The following PTPN6 variants were observed in gnomAD, a reference collection of about 807,000 sequenced individuals.
PTPN6 encodes the protein tyrosine-protein phosphatase non-receptor type 6.
In PTPN6, 18 loss-of-function variants were observed where a neutral mutation model predicts 81.5. The ratio of observed to expected loss-of-function variants is 0.22; its 90% CI spans 0.15 to 0.33. The LOEUF is 0.33. Ranked by LOEUF, PTPN6 falls within the 10% of genes least tolerant of loss-of-function variation. The probability of loss-of-function intolerance (pLI) is 1.00; values close to 1 mark genes in which losing one functional copy is unlikely to be tolerated. For missense variants in PTPN6, 500 were observed against 794.2 expected (o/e 0.63, Z 4.45); for synonymous variants, 301 against 310.9 (o/e 0.97, Z 0.33).
At chr12:6,948,670 G>A (rs1284499547), upstream of PTPN6, among the ~76,000 whole-genome samples, 1 of 152,020 alleles carries the variant, frequency 6.6e-6, no homozygotes, top group Non-Finnish European at 1.5e-5. Context: ...GCTGGGCATG[G>A]TGGCTCAAGC....
Position 6,956,417 on chromosome 12 carries a change from A to C in PTPN6, c.925-2A>C. On this transcript the variant is annotated splice_acceptor_variant, in intron 8 of 15. Coordinates refer to ENST00000318974, the MANE Select transcript of PTPN6 (RefSeq NM_002831.6). LOFTEE classifies it high-confidence loss of function. This position sits in a 1 kb window ranked among gnomAD's most constrained non-coding sequence, Gnocchi z 4.1. ...GGTGCGTCTCTCCACGCTTGCGTCC[A>C]GAACCAGCTGCTAGGCCCTGATGAG... The C allele has an allele frequency of 6.2e-7, 1 of 1,614,168 alleles. No homozygotes were observed. Among genetic ancestry groups the C allele is most frequent in the Non-Finnish European group, 8.5e-7 (1 of 1,180,020 alleles).
In PTPN6 at chr12:6,955,000, G is replaced by A. The variant is rs1170116869; in HGVS notation, c.516+6G>A. 2.5e-6 allele frequency: 4 copies of A among 1,614,076 alleles called. No individual in the cohort carries two copies. The East Asian group carries it at 8.9e-5, about 36-fold the overall frequency. ...ACATCAAGGTCATGTGCGAGGTAAG[G>A]CAGCCAGGCGGCGGGGGAGCCTCTG... On this transcript the variant is annotated splice_donor_region_variant and intron_variant, in intron 4 of 15. Transcript: ENST00000318974. The surrounding 1 kb of genome is among the most constrained non-coding windows in gnomAD (Gnocchi z 5.4).
At chr12:6,953,483 G>C (rs1345543569) in intron 3 of PTPN6, 4 of 152,360 alleles carry the variant, frequency 2.6e-5, no homozygotes, top group Non-Finnish European at 4.4e-5. Flanking sequence ...GTGCCGGGGC[G>C]GGAGGTTAAG....
Position 6,960,044 on chromosome 12 carries a change from G to A in PTPN6, c.1430-44G>A. ...GGTGGGGGGTGAGCAGCCCCTCGGT[G>A]TCCGCCTATGCCTGGACCTGAGGTT... On this transcript the variant is annotated intron_variant, in intron 12 of 15. Transcript: ENST00000318974. This position sits in a 1 kb window ranked among gnomAD's most constrained non-coding sequence, Gnocchi z 6.1. 6.2e-7 allele frequency: 1 copy of A among 1,612,876 alleles called. No homozygotes were observed. The highest frequency in any genetic ancestry group is 8.5e-7 in the Non-Finnish European group (1 of 1,179,892).
Position 6,955,582 on chromosome 12 carries a change from C to A in PTPN6, c.748-78C>A. 6.4e-7 allele frequency: 1 copy of A among 1,565,742 alleles called. No individual in the cohort carries two copies. The highest frequency in any genetic ancestry group is 8.8e-7 in the Non-Finnish European group (1 of 1,136,846). ...CTTCCCCTCCTTGCCCACCTCTGCT[C>A]CTGACCCACCCCACGTGAGCTCCCC... is the stretch of plus-strand genomic sequence containing the variant. On this transcript the variant is annotated intron_variant, in intron 6 of 15. Transcript: ENST00000318974. This position sits in a 1 kb window ranked among gnomAD's most constrained non-coding sequence, Gnocchi z 7.2.
At chr12:6,946,617 AC>A, upstream of PTPN6, 1 of 869,748 alleles carries the variant, frequency 1.1e-6, no homozygotes, top group South Asian at 1.4e-5. Flanking sequence ...GTGGCTGATT[AC>A]TGAGCGGTTC....
rs1946007036 is a variant in PTPN6, at chr12:6,955,297, T to A, written c.633+30T>A. On this transcript the variant is annotated intron_variant, in intron 5 of 15. Coordinates refer to ENST00000318974, the MANE Select transcript of PTPN6 (RefSeq NM_002831.6). This position sits in a 1 kb window ranked among gnomAD's most constrained non-coding sequence, Gnocchi z 7.2. ...GGGGTGGGCCCAGCTGCCTCCCCAC[T>A]TCCCCTGAGCTGTCCCCCAGATGTG... 2 of 1,609,304 alleles carry A rather than the reference T, an allele frequency of 1.2e-6. No individual in the cohort carries two copies. Among genetic ancestry groups the A allele is most frequent in the South Asian group, 1.1e-5 (1 of 90,976 alleles).
chr12:6,946,877 A>G, upstream of PTPN6: 3 of 962,460 alleles, frequency 3.1e-6, no homozygotes, highest in Admixed American at 2.0e-5. Context: ...GTCCCTATGA[A>G]CTTCCCCTTC....
chr12:6,960,539 C>A lies in PTPN6; in HGVS notation c.1673+104C>A. ...AAGTGTTGCAGCTGGGGGGACCTGG[C>A]TTCAAGTTCAGGCTTGGTTCTCACC... On this transcript the variant is annotated intron_variant, in intron 14 of 15. Transcript: ENST00000318974. This position sits in a 1 kb window ranked among gnomAD's most constrained non-coding sequence, Gnocchi z 6.1. 6 of 1,449,130 alleles carry A rather than the reference C, an allele frequency of 4.1e-6. No individual in the cohort carries two copies. Among genetic ancestry groups the A allele is most frequent in the Admixed American group, 1.9e-5 (1 of 51,380 alleles). 89.8% of individuals were successfully genotyped at this position (1,449,130 alleles called of 1,614,324 possible).
chr12:6,949,477 C>T (rs782755972), upstream of PTPN6, among the ~76,000 whole-genome samples: 3 of 152,304 alleles, frequency 2.0e-5, no homozygotes, highest in South Asian at 2.1e-4. Context: ...GTCTGACAGC[C>T]GTGTTTTACC....
chr12:6,951,404 C>A lies in PTPN6; in HGVS notation c.-109C>A. On this transcript the variant is annotated 5_prime_UTR_variant, in exon 1 of 16. Coordinates refer to ENST00000318974, the MANE Select transcript of PTPN6 (RefSeq NM_002831.6). This position sits in a 1 kb window ranked among gnomAD's most constrained non-coding sequence, Gnocchi z 7.2. ...GGGACCACCGGGGGTGGTGAGGCGG[C>A]CCGGCACTGGGAGCTGCATCTGAGG... 3 of 1,551,260 alleles carry A rather than the reference C, an allele frequency of 1.9e-6. No homozygotes were observed. The highest frequency in any genetic ancestry group is 2.6e-6 in the Non-Finnish European group (3 of 1,148,414).
rs1946085080 is a variant in PTPN6, at chr12:6,959,215, A to G, written c.1362-712A>G. The G allele has an allele frequency of 6.5e-6, 1 of 153,700 alleles. No homozygotes were observed. The highest frequency in any genetic ancestry group is 1.4e-5 in the Non-Finnish European group (1 of 68,972). 9.5% of individuals were successfully genotyped at this position (153,700 alleles called of 1,614,324 possible). On this transcript the variant is annotated intron_variant, in intron 11 of 15. Coordinates refer to ENST00000318974, the MANE Select transcript of PTPN6 (RefSeq NM_002831.6). This position sits in a 1 kb window ranked among gnomAD's most constrained non-coding sequence, Gnocchi z 6.6. ...AGCTACCCTCCTGCTCACCCGCCAC[A>G]CACACATTCACACACTTCTTGAAAG...
In PTPN6 at chr12:6,956,363, G is replaced by T. The variant is rs1340815792; in HGVS notation, c.925-56G>T. On this transcript the variant is annotated intron_variant, in intron 8 of 15. Transcript: ENST00000318974. This position sits in a 1 kb window ranked among gnomAD's most constrained non-coding sequence, Gnocchi z 4.1. ...TGAGGGTGGCAGTGGTTCAGGGCCT[G>T]TGCTGGGCCAAGGGGCTCACTGTCT... is the stretch of plus-strand genomic sequence containing the variant. 6.2e-7 allele frequency: 1 copy of T among 1,613,864 alleles called. No individual in the cohort carries two copies. The highest frequency in any genetic ancestry group is 1.3e-5 in the African/African-American group (1 of 75,058).
rs200005925 is a variant in PTPN6 at position 6,958,034 on chromosome 12, A to G, written c.1322A>G (p.Glu441Gly). The G allele has an allele frequency of 3.3e-5, 54 of 1,613,126 alleles. No individual in the cohort carries two copies. The highest frequency in any genetic ancestry group is 1.6e-4 in the Middle Eastern group (1 of 6,084). ...SFLDQINQRQESLPHAGPIIV... is the reference protein window; with the variant it reads ...SFLDQINQRQGSLPHAGPIIV... ...CTGGACCAGATCAACCAGCGGCAGG[A>G]AAGTCTGCCTCACGCAGGGCCCATC... Residue 441 changes from glutamate (E) to glycine (G), a missense_variant, in exon 11 of 16, where the codon GAA becomes GGA. Glu to Gly is a moderately conservative substitution (Grantham distance 98, BLOSUM62 -2). This residue lies in a region of PTPN6 where 226 missense variants were observed against 364.4 expected (regional missense o/e 0.62). Transcript: ENST00000318974.
At position 6,954,685 on chromosome 12, in the gene PTPN6, T is replaced by G. The variant is rs1440384076; in HGVS notation, c.327-120T>G. The G allele has an allele frequency of 4.1e-6, 4 of 965,252 alleles. No individual in the cohort carries two copies. The highest frequency in any genetic ancestry group is 2.8e-5 in the South Asian group (2 of 70,348). The allele number at this position is 965,252 out of a possible 1,614,324, so 59.8% of individuals were successfully genotyped here. On this transcript the variant is annotated intron_variant, in intron 3 of 15. Transcript: ENST00000318974. This position sits in a 1 kb window ranked among gnomAD's most constrained non-coding sequence, Gnocchi z 5.4. The stretch of plus-strand genomic sequence containing the variant: ...AAATGAGGTGGTGGATTTGGAAGCA[T>G]GTAGCGCAGTGCCTGGCACACAGTA...
chr12:6,955,575 C>G lies in PTPN6; in HGVS notation c.748-85C>G. 1 of 1,562,610 alleles carries G rather than the reference C, an allele frequency of 6.4e-7. No individual in the cohort carries two copies. Among genetic ancestry groups the G allele is most frequent in the Non-Finnish European group, 8.8e-7 (1 of 1,134,038 alleles). ...CGGACACCTTCCCCTCCTTGCCCAC[C>G]TCTGCTCCTGACCCACCCCACGTGA... On this transcript the variant is annotated intron_variant, in intron 6 of 15. Transcript: ENST00000318974. The surrounding 1 kb of genome is among the most constrained non-coding windows in gnomAD (Gnocchi z 7.2).
At chr12:6,953,362 G>T (rs782539222) in intron 3 of PTPN6, 4 of 152,248 alleles carry the variant, frequency 2.6e-5, no homozygotes, top group African/African-American at 9.6e-5. Context: ...AGGACGGGCT[G>T]ACCAGTGCCT....
chr12:6,960,975 TG>T lies in PTPN6; in HGVS notation c.*25+31del. The T allele has an allele frequency of 3.9e-6, 6 of 1,551,302 alleles. No homozygotes were observed. In the South Asian group the frequency reaches 7.2e-5, roughly 18 times the overall value. Reference sequence around the variant, plus strand: ...AGCTCTTCTGCCTGGGTGTCCTCCCTGCCCTGCCCTGTGTCCTTGGCTCCAC... The same window carrying T: ...AGCTCTTCTGCCTGGGTGTCCTCCCTCCCTGCCCTGTGTCCTTGGCTCCAC... On this transcript the variant is annotated intron_variant, in intron 15 of 15. Coordinates refer to ENST00000318974, the MANE Select transcript of PTPN6 (RefSeq NM_002831.6). The surrounding 1 kb of genome is among the most constrained non-coding windows in gnomAD (Gnocchi z 6.1).
In PTPN6 at chr12:6,955,597, G is replaced by A. The variant is rs782100604; in HGVS notation, c.748-63G>A. On this transcript the variant is annotated intron_variant, in intron 6 of 15. Transcript: ENST00000318974. The surrounding 1 kb of genome is among the most constrained non-coding windows in gnomAD (Gnocchi z 7.2). ...CACCTCTGCTCCTGACCCACCCCACGTGAGCTCCCCCGATGGATGCCCTCT... is the reference window on the plus strand; with the variant it reads ...CACCTCTGCTCCTGACCCACCCCACATGAGCTCCCCCGATGGATGCCCTCT... 368 of 1,578,866 alleles carry A rather than the reference G, an allele frequency of 2.3e-4. No homozygotes were observed. The African/African-American group carries it at 4.2e-3, about 18-fold the overall frequency.
Sources: allele counts gnomAD v4.1 joint callset (sites outside exome capture counted in the v4.1 genomes callset), GRCh38; gene constraint gnomAD v4.1.1; regional missense constraint gnomAD v4.1.1; non-coding constraint Gnocchi (gnomAD v3.1); transcripts MANE v1.5; gene names NCBI Gene and HGNC (gene_info 2026-07-23, HGNC 2026-07-21).